Variants in ECHDC2 observed in about 807,000 individuals in gnomAD.
ECHDC2 encodes enoyl-CoA hydratase domain containing 2, also known as enoyl-CoA hydratase domain-containing protein 2, mitochondrial.
ECHDC2 carries 34 observed loss-of-function variants against 40.6 expected under a neutral mutation model. The ratio of observed to expected loss-of-function variants is 0.84; its 90% CI spans 0.64 to 1.11. ECHDC2 has a LOEUF of 1.11. Among genes scored for constraint, ECHDC2 ranks in the 50% most tolerant of loss-of-function variants. ECHDC2 has a pLI of 0.00. For missense variants in ECHDC2, 392 were observed against 400.7 expected (o/e 0.98, Z 0.19); for synonymous variants, 162 against 166.6 (o/e 0.97, Z 0.21).
chr1:52,915,353 A>G (rs1330681278), intron 1 of ECHDC2: 2 of 455,924 alleles, frequency 4.4e-6, no homozygotes, highest in African/African-American at 2.0e-5. Flanking sequence ...AGAGACACAG[A>G]AAGGCCAATG....
At chr1:52,909,329 C>A (rs1648805236) in intron 3 of ECHDC2, among the ~76,000 whole-genome samples, 1 of 152,136 alleles carries the variant, frequency 6.6e-6, no homozygotes, top group East Asian at 1.9e-4. Flanking sequence ...CAGGACCCCT[C>A]AGATACAAAA....
Position 52,914,497 on chromosome 1 carries a change from G to C in ECHDC2, c.122-2707C>G, listed in dbSNP as rs542790585. 6.6e-6 allele frequency among the ~76,000 whole-genome samples: 1 copy of C among 152,140 alleles called. No homozygotes were observed. The highest frequency in any genetic ancestry group is 1.5e-5 in the Non-Finnish European group (1 of 68,018). ...TTCCAGAACTGGAGGAGTTCAGGCA[G>C]AGGGAGAGCAGGATAAGCTGAGGCA... On this transcript the variant is annotated intron_variant, in intron 1 of 9. Transcript: ENST00000371522. This position sits in a 1 kb window ranked among gnomAD's most constrained non-coding sequence, Gnocchi z 4.0.
chr1:52,908,345 A>G (rs574221874), intron 3 of ECHDC2, among the ~76,000 whole-genome samples: 8 of 151,914 alleles, frequency 5.3e-5, no homozygotes, highest in Admixed American at 5.3e-4. Flanking sequence ...CACTAAAAAT[A>G]CAAAAATCAG....
At chr1:52,897,753 C>T (rs1191616031) in intron 8 of ECHDC2, 8 of 555,044 alleles carry the variant, frequency 1.4e-5, no homozygotes, top group Non-Finnish European at 2.3e-5. Flanking sequence ...AATTTCTGAA[C>T]CTTTATGACC....
At chr1:52,900,435 T>C (rs1646917632) in intron 7 of ECHDC2, 1 of 152,256 alleles carries the variant, frequency 6.6e-6, no homozygotes. Flanking sequence ...GGTTTTGTTT[T>C]ATATTCTTCC....
Position 52,919,656 on chromosome 1 carries a change from G to A in ECHDC2, c.121+1897C>T, listed in dbSNP as rs113465620. 7.5e-3 allele frequency among the ~76,000 whole-genome samples: 1,150 copies of A among 152,332 alleles called. 12 individuals are homozygous for A. The highest frequency in any genetic ancestry group is 0.026 in the African/African-American group (1,086 of 41,582). On this transcript the variant is annotated intron_variant, in intron 1 of 9. Transcript: ENST00000371522. Reference sequence around the variant, plus strand: ...CCCAACCTCAAGCTCAAAGGCAGCAGGTAAAATGTAACAGTGCTCTTGTGC... The same window carrying A: ...CCCAACCTCAAGCTCAAAGGCAGCAAGTAAAATGTAACAGTGCTCTTGTGC...
At chr1:52,900,573 T>A (rs934301321) in intron 7 of ECHDC2, 5 of 152,256 alleles carry the variant, frequency 3.3e-5, no homozygotes, top group Non-Finnish European at 7.3e-5. Flanking sequence ...TGTAAGCATA[T>A]GTGCATAATA....
intron 1 of ECHDC2, chr1:52,912,216 T>G (rs1439920966): frequency 1.6e-5 from 4 of 253,746 alleles, no homozygotes; most frequent in African/African-American, 9.2e-5. Context: ...GCTGTTTTTT[T>G]TTTTTTTTTA....
chr1:52,914,617 C>T lies in ECHDC2; in HGVS notation c.122-2827G>A, dbSNP rs1360702795. Among the ~76,000 whole-genome samples the T allele has an allele frequency of 6.6e-6, 1 of 152,090 alleles. No homozygotes were observed. Among genetic ancestry groups the T allele is most frequent in the Admixed American group, 6.5e-5 (1 of 15,270 alleles). On this transcript the variant is annotated intron_variant, in intron 1 of 9. Transcript: ENST00000371522. This position sits in a 1 kb window ranked among gnomAD's most constrained non-coding sequence, Gnocchi z 4.0. ...GGAGCCCAGAGCTCTCCTGTGCACC[C>T]CAGGCCTGAATAGCCAAATGCCTAC...
intron 1 of ECHDC2, chr1:52,913,463 C>T (rs1282071211): frequency 6.6e-6 from 1 of 152,204 alleles, no homozygotes; most frequent in Non-Finnish European, 1.5e-5. Flanking sequence ...AATATAGCCA[C>T]ATCACTAACC....
At chr1:52,913,982 C>G (rs1650129276) in intron 1 of ECHDC2, 2 of 1,199,048 alleles carry the variant, frequency 1.7e-6, no homozygotes, top group Admixed American at 3.3e-5. Flanking sequence ...CAATCAGATT[C>G]TCTTCATTCA....
chr1:52,901,160 AAAT>A (rs1368552239), intron 7 of ECHDC2: 1 of 23,670 alleles, frequency 4.2e-5, no homozygotes, highest in Non-Finnish European at 1.1e-4. Flanking sequence ...CCTGTCTCAA[AAAT>A]AAATAAATAA....
At chr1:52,898,906 A>C (rs1381324291) in intron 8 of ECHDC2, 8 of 535,100 alleles carry the variant, frequency 1.5e-5, no homozygotes, top group Non-Finnish European at 2.7e-5. Context: ...ACTTCCTCTG[A>C]GACCTTGGGC....
chr1:52,906,532 G>A lies in ECHDC2; in HGVS notation c.444C>T (p.Asp148=). Residue 148 remains aspartate, a synonymous_variant, in exon 5 of 10, where the codon GAC becomes GAT. Transcript: ENST00000371522. ...CTGGCCCAGTACCTGCCACTCGGAG[G>A]TCACAGGCCAGGGCAAGCTCTAGGC... is the stretch of plus-strand genomic sequence containing the variant. ...GGGLELALAC[D]LRVAASSAVM... is the part of the protein sequence containing the mutation. 6.2e-7 allele frequency: 1 copy of A among 1,612,044 alleles called. No individual in the cohort carries two copies.
At chr1:52,910,509 C>G (rs1317206030) in intron 3 of ECHDC2, among the ~76,000 whole-genome samples, 2 of 151,602 alleles carry the variant, frequency 1.3e-5, no homozygotes, top group Admixed American at 1.3e-4. Flanking sequence ...GCTGGGATTA[C>G]AGGCACTGGC....
chr1:52,909,615 G>A (rs1479333777), intron 3 of ECHDC2, among the ~76,000 whole-genome samples: 2 of 151,980 alleles, frequency 1.3e-5, no homozygotes, highest in Non-Finnish European at 2.9e-5. Context: ...AAGCCATCCT[G>A]GGCCACATGC....
intron 1 of ECHDC2, among the ~76,000 whole-genome samples, chr1:52,921,232 C>T (rs1651811186): frequency 6.6e-6 from 1 of 152,196 alleles, no homozygotes; most frequent in Non-Finnish European, 1.5e-5. Context: ...GGAACGCGCA[C>T]TTAAACGCTC....
intron 5 of ECHDC2, chr1:52,906,216 G>A (rs923867792): frequency 1.4e-5 from 6 of 432,872 alleles, no homozygotes; most frequent in Middle Eastern, 1.4e-3. Flanking sequence ...GGACAGAATG[G>A]GAAGACTGGA....
At position 52,896,569 on chromosome 1, in the gene ECHDC2, C is replaced by A. The variant is rs1229067211; in HGVS notation, c.830G>T (p.Gly277Val). 21 of 1,614,112 alleles carry A rather than the reference C, an allele frequency of 1.3e-5. No homozygotes were observed. Among genetic ancestry groups the A allele is most frequent in the Non-Finnish European group, 1.8e-5 (21 of 1,180,012 alleles). ...CCGCTTCTCCCTGAAGGCTGCCATG[C>A]CCTCTAGCCGGTCCCGGGTTGGAAT... ...QNIPTRDRLE[G>V]MAAFREKRTP... The change falls in exon 10 of 10, where the codon GGC becomes GTC. Residue 277 changes from glycine (G) to valine (V), a missense_variant. Physicochemically the swap from Gly to Val is moderately radical, Grantham distance 109 (BLOSUM62 -3). Coordinates refer to ENST00000371522, the MANE Select transcript of ECHDC2 (RefSeq NM_001198961.2).
Sources: gnomAD v4.1 joint callset for allele counts (sites outside exome capture counted in the v4.1 genomes callset) on GRCh38, gnomAD v4.1.1 for gene constraint, Gnocchi (gnomAD v3.1) non-coding constraint, MANE v1.5 for transcripts, NCBI Gene and HGNC (gene_info 2026-07-23, HGNC 2026-07-21) for gene names.